The following DGKH variants were observed in gnomAD, a reference collection of about 807,000 sequenced individuals.
The protein encoded by DGKH is diacylglycerol kinase eta.
A neutral mutation model predicts 159.3 loss-of-function variants in DGKH; 90 were observed. That is an observed-to-expected ratio of 0.57 (90% CI 0.48 to 0.67). DGKH has a LOEUF of 0.67. DGKH is among the 30% of genes least tolerant of loss of function. DGKH has a pLI of 0.00. For missense variants in DGKH, 1,181 were observed against 1,506.1 expected, an observed-to-expected ratio of 0.78 and a Z score of 3.57; for synonymous variants, 536 against 553.8, an observed-to-expected ratio of 0.97 and a Z score of 0.45.
At position 42,221,260 on chromosome 13, in the gene DGKH, G is replaced by C. The variant is rs199592313; in HGVS notation, c.3443-4G>C. 1.2e-6 allele frequency: 2 copies of C among 1,613,084 alleles called. No individual in the cohort carries two copies. Among genetic ancestry groups the C allele is most frequent in the East Asian group, 4.5e-5 (2 of 44,870 alleles). ...TAAGGGGGTTTTGCTCTTAACTTTG[G>C]TAGTTCAGAAATGGGGCACAGAGGA... On this transcript the variant is annotated splice_region_variant and splice_polypyrimidine_tract_variant and intron_variant, in intron 28 of 29. Transcript: ENST00000337343.
intron 3 of DGKH, among the ~76,000 whole-genome samples, chr13:42,144,817 A>T (rs776391382): frequency 1.3e-5 from 2 of 152,236 alleles, no homozygotes; most frequent in African/African-American, 2.4e-5. Context: ...TATACCTCAC[A>T]GATTTTGGTT....
At position 42,048,921 on chromosome 13, in the gene DGKH, A is replaced by C. The variant is rs1004129910; in HGVS notation, c.148A>C (p.Lys50Gln). The change falls in exon 1 of 30, where the codon AAA becomes CAA. Residue 50 changes from lysine to glutamine, a missense_variant. By Grantham distance (53) the Lys-to-Gln change is moderately conservative. Around this residue, in one of 5 missense-constraint regions of DGKH, gnomAD observed 136 missense variants for 132.2 expected, o/e 1.03. Transcript: ENST00000337343. The surrounding 1 kb of genome is among the most constrained non-coding windows in gnomAD (Gnocchi z 6.7). ...DSEAEQEGPQ[K>Q]LIRKVSTSGQ... ...CGAAGCGGAGCAAGAGGGACCCCAG[A>C]AACTGATCCGCAAAGTGTCTACCTC... 7.5e-7 allele frequency: 1 copy of C among 1,336,230 alleles called. No homozygotes were observed. The highest frequency in any genetic ancestry group is 1.5e-5 in the African/African-American group (1 of 66,146). The allele number at this position is 1,336,230 out of a possible 1,614,324, so 82.8% of individuals were successfully genotyped here.
chr13:42,058,842 G>T (rs973097162), intron 1 of DGKH, among the ~76,000 whole-genome samples: 6 of 152,194 alleles, frequency 3.9e-5, no homozygotes, highest in African/African-American at 1.4e-4. Context: ...TCCAGTGGAA[G>T]CAGCCTGGAT....
At chr13:42,043,255 T>C (rs1309244821) in intron 1 of DGKH, among the ~76,000 whole-genome samples, 1 of 152,262 alleles carries the variant, frequency 6.6e-6, no homozygotes, top group Non-Finnish European at 1.5e-5. Context: ...TACCACAGAT[T>C]TCTTTAAGAC....
chr13:42,158,707 A>G (rs1294768569), intron 5 of DGKH, among the ~76,000 whole-genome samples: 1 of 152,118 alleles, frequency 6.6e-6, no homozygotes, highest in African/African-American at 2.4e-5. Context: ...GGTCACCCTC[A>G]CCAACCTATT....
intron 29 of DGKH, among the ~76,000 whole-genome samples, chr13:42,223,928 C>T (rs533070436): frequency 4.7e-4 from 72 of 152,258 alleles, no homozygotes; most frequent in African/African-American, 1.7e-3. Flanking sequence ...TCTCCATTGT[C>T]TATCATTCCA....
At chr13:42,070,746 A>G (rs1882908045) in intron 1 of DGKH, 1 of 1,601,530 alleles carries the variant, frequency 6.2e-7, no homozygotes, top group East Asian at 2.2e-5. Flanking sequence ...CCAGCACTTT[A>G]GACAAGTCTG....
intron 1 of DGKH, among the ~76,000 whole-genome samples, chr13:42,097,799 G>A (rs537111172): frequency 1.3e-5 from 2 of 152,290 alleles, no homozygotes; most frequent in South Asian, 4.2e-4. Flanking sequence ...CAGGGGGTGT[G>A]TAAGGGGAGG....
At chr13:42,138,890 C>G (rs1955466218) in intron 3 of DGKH, among the ~76,000 whole-genome samples, 1 of 151,950 alleles carries the variant, frequency 6.6e-6, no homozygotes, top group Non-Finnish European at 1.5e-5. Flanking sequence ...TGTTTTTTGC[C>G]TTTTAAAACT....
Position 42,070,484 on chromosome 13 carries a change from A to G in DGKH, c.192+21519A>G, listed in dbSNP as rs1025865031. The G allele has an allele frequency of 5.2e-5, 66 of 1,272,954 alleles. 1 individual carries two copies. The Admixed American group carries it at 8.1e-4, about 16-fold the overall frequency. The allele number at this position is 1,272,954 out of a possible 1,614,324, so 78.9% of individuals were successfully genotyped here. ...GGCTTTAGTATAATTATTAGGAGAA[A>G]GTAAAAGACATGGAGATCTGTACCA... On this transcript the variant is annotated intron_variant, in intron 1 of 29. Transcript: ENST00000337343.
rs778430344 is a variant in DGKH, at chr13:42,240,622, T to A, written c.*11434T>A. 6.6e-6 allele frequency: 1 copy of A among 152,142 alleles called. No homozygotes were observed. The highest frequency in any genetic ancestry group is 1.5e-5 in the Non-Finnish European group (1 of 68,022). 9.4% of individuals were successfully genotyped at this position (152,142 alleles called of 1,614,324 possible). A position where few individuals can be genotyped will look rare whatever the true frequency, so the allele number is the denominator to read the frequency against. On this transcript the variant is annotated 3_prime_UTR_variant, in exon 30 of 30. Coordinates refer to ENST00000337343, the MANE Select transcript of DGKH (RefSeq NM_178009.5). ...GGGGAAATAGACTGAGTTTGTGTGATTTCAGGTTATTTAGAGTTATTAATG... is the reference window on the plus strand; with the variant it reads ...GGGGAAATAGACTGAGTTTGTGTGAATTCAGGTTATTTAGAGTTATTAATG...
intron 7 of DGKH, among the ~76,000 whole-genome samples, chr13:42,162,054 T>C (rs1956195722): frequency 6.6e-6 from 1 of 152,178 alleles, no homozygotes; most frequent in South Asian, 2.1e-4. Flanking sequence ...TCTCTCGTTT[T>C]TCGTGGCAAA....
intron 20 of DGKH, among the ~76,000 whole-genome samples, chr13:42,205,224 T>C (rs912777977): frequency 6.6e-6 from 1 of 152,212 alleles, no homozygotes; most frequent in African/African-American, 2.4e-5. Flanking sequence ...ATAATAAGTA[T>C]GATCATAAAA....
chr13:42,140,744 C>G (rs1012570405), intron 3 of DGKH: 2 of 151,990 alleles, frequency 1.3e-5, no homozygotes. Context: ...GTTGAAGGCT[C>G]TTTAGTCCTG....
At chr13:42,182,208 C>T (rs1423818104) in intron 13 of DGKH, among the ~76,000 whole-genome samples, 1 of 152,260 alleles carries the variant, frequency 6.6e-6, no homozygotes, top group Non-Finnish European at 1.5e-5. Flanking sequence ...CACAAATGGG[C>T]AGTGGCTCAG....
chr13:42,181,276 C>CAAAAAAAA (rs34220072), intron 13 of DGKH, among the ~76,000 whole-genome samples: 1 of 81,252 alleles, frequency 1.2e-5, no homozygotes, highest in Non-Finnish European at 2.5e-5. Flanking sequence ...GACTCTGTCT[C>CAAAAAAAA]AAAAAAAAAA....
intron 29 of DGKH, chr13:42,225,227 A>G: frequency 1.3e-6 from 2 of 1,528,058 alleles, no homozygotes; most frequent in Non-Finnish European, 1.8e-6. Context: ...CCAGCCAGGA[A>G]AGTATTTCCA....
intron 20 of DGKH, 36 bp downstream of exon 20, chr13:42,199,945 TCTTA>T: frequency 1.3e-6 from 2 of 1,530,580 alleles, no homozygotes; most frequent in Non-Finnish European, 1.8e-6. Flanking sequence ...TTTCATATTA[TCTTA>T]CTTAAAAAAA....
Position 42,178,177 on chromosome 13 carries a change from A to C in DGKH, c.1495A>C (p.Ile499Leu), listed in dbSNP as rs766171721. 27 of 1,607,602 alleles carry C rather than the reference A, an allele frequency of 1.7e-5. No individual in the cohort carries two copies. In the African/African-American group the frequency reaches 2.5e-4, roughly 15 times the overall value. The change falls in exon 13 of 30, where the codon ATC becomes CTC. Residue 499 changes from isoleucine to leucine, a missense_variant. Ile to Leu is a conservative substitution (Grantham distance 5). Transcript: ENST00000337343. ...CTCAGTTGCAACGCATCTTACAAAA[A>C]TCCTCAATTCTGATGAACATGCAGT... ...EDSVATHLTK[I>L]LNSDEHAVVI...
Sources: allele counts gnomAD v4.1 joint callset (sites outside exome capture counted in the v4.1 genomes callset), GRCh38; gene constraint gnomAD v4.1.1; regional missense constraint gnomAD v4.1.1; non-coding constraint Gnocchi (gnomAD v3.1); transcripts MANE v1.5; gene names NCBI Gene and HGNC (gene_info 2026-07-23, HGNC 2026-07-21).